Variants in MEI4 observed in about 807,000 individuals in gnomAD.
MEI4 encodes the protein meiotic double-stranded break formation protein 4, also known as meiosis-specific protein MEI4.
Under a neutral mutation model 31.4 loss-of-function variants are expected in MEI4, and 27 were observed. That is an observed-to-expected ratio of 0.86 (90% CI 0.63 to 1.19). The LOEUF (loss-of-function observed/expected upper bound fraction) is 1.19, where lower values mean the gene tolerates loss of function less well. MEI4 is among the 50% of genes most tolerant of loss of function. The pLI is 0.00. For synonymous variants in MEI4, 122 were observed against 145.4 expected, an observed-to-expected ratio of 0.84 and a Z score of 1.16; for missense variants, 329 against 398.9, an observed-to-expected ratio of 0.82 and a Z score of 1.49.
At chr6:77,650,384 T>C (rs1382083758), upstream of MEI4, among the ~76,000 whole-genome samples, 2 of 152,172 alleles carry the variant, frequency 1.3e-5, no homozygotes, top group East Asian at 3.9e-4. Flanking sequence ...GGGCTTGTGG[T>C]CTCCGGGACC....
intron 4 of MEI4, among the ~76,000 whole-genome samples, chr6:77,862,738 A>C (rs1770898759): frequency 6.6e-6 from 1 of 152,196 alleles, no homozygotes; most frequent in Non-Finnish European, 1.5e-5. Flanking sequence ...TGGTTCTCCC[A>C]GCACGCAGCT....
Position 77,683,430 on chromosome 6 carries a change from T to A in MEI4, c.-14-7228T>A, listed in dbSNP as rs57512925. The stretch of plus-strand genomic sequence containing the variant: ...GCGTGGTGAGAACACTTAAGATATA[T>A]TCTTTCAGGAATTTTCAAGTGTGCA... On this transcript the variant is annotated intron_variant, in intron 1 of 4. Coordinates refer to ENST00000684080, the MANE Select transcript of MEI4 (RefSeq NM_001322247.2). Among the ~76,000 whole-genome samples the A allele has an allele frequency of 2.1e-3, 321 of 152,272 alleles. 1 individual carries two copies. Among genetic ancestry groups the A allele is most frequent in the African/African-American group, 7.6e-3 (316 of 41,558 alleles).
At chr6:77,779,383 A>G (rs1036065189) in intron 3 of MEI4, among the ~76,000 whole-genome samples, 10 of 152,240 alleles carry the variant, frequency 6.6e-5, no homozygotes, top group African/African-American at 2.4e-4. Context: ...TGATAACCAG[A>G]TAATTTAGTA....
intron 2 of MEI4, among the ~76,000 whole-genome samples, chr6:77,750,413 G>A (rs1223530894): frequency 6.6e-6 from 1 of 152,118 alleles, no homozygotes; most frequent in Non-Finnish European, 1.5e-5. Context: ...TCAAAATAAA[G>A]GGATGGAGGA....
In MEI4 at chr6:77,809,928, T is replaced by G. The variant is rs75868259; in HGVS notation, c.769-19003T>G. On this transcript the variant is annotated intron_variant, in intron 3 of 4. Coordinates refer to ENST00000684080, the MANE Select transcript of MEI4 (RefSeq NM_001322247.2). Reference sequence around the variant, plus strand: ...AGTCTAGCAGCTCTAGTTGTGTGGCTCAGTGAGATTTTTAGATTTCTTTAC... The same window carrying G: ...AGTCTAGCAGCTCTAGTTGTGTGGCGCAGTGAGATTTTTAGATTTCTTTAC... Among the ~76,000 whole-genome samples the G allele has an allele frequency of 3.7e-3, 571 of 152,292 alleles. 3 individuals are homozygous for G. Among genetic ancestry groups the G allele is most frequent in the African/African-American group, 0.013 (553 of 41,578 alleles).
chr6:77,652,913 A>T (rs1211110675), upstream of MEI4, among the ~76,000 whole-genome samples: 2 of 152,202 alleles, frequency 1.3e-5, no homozygotes, highest in Non-Finnish European at 2.9e-5. Flanking sequence ...GAATGTTAAG[A>T]GCACCTGTAA....
intron 3 of MEI4, among the ~76,000 whole-genome samples, chr6:77,762,057 A>T (rs1349648382): frequency 6.6e-6 from 1 of 152,160 alleles, no homozygotes; most frequent in African/African-American, 2.4e-5. Context: ...TGAGTGTTAA[A>T]TTCCTCATGA....
At chr6:77,900,034 C>T (rs1332527966) in intron 4 of MEI4, among the ~76,000 whole-genome samples, 1 of 150,960 alleles carries the variant, frequency 6.6e-6, no homozygotes, top group African/African-American at 2.4e-5. Context: ...CACATGGAAT[C>T]ATGTCAAATG....
chr6:77,889,502 T>C (rs59956817), intron 4 of MEI4, among the ~76,000 whole-genome samples: 420 of 152,288 alleles, frequency 2.8e-3, no homozygotes, highest in African/African-American at 9.3e-3. Flanking sequence ...AAGATATTTC[T>C]AAGCAGCAAA....
chr6:77,811,088 G>A lies in MEI4; in HGVS notation c.769-17843G>A, dbSNP rs146723334. 1.5e-3 allele frequency among the ~76,000 whole-genome samples: 225 copies of A among 152,220 alleles called. 1 individual carries two copies. Among genetic ancestry groups the A allele is most frequent in the African/African-American group, 4.6e-3 (192 of 41,546 alleles). On this transcript the variant is annotated intron_variant, in intron 3 of 4. Coordinates refer to ENST00000684080, the MANE Select transcript of MEI4 (RefSeq NM_001322247.2). ...TGTATAAATAGATATCAGAGACATC[G>A]TTCCATTGTTTGTAGATGATCTCCA...
At chr6:77,917,453 G>C (rs1014863663) in intron 4 of MEI4, among the ~76,000 whole-genome samples, 2 of 150,274 alleles carry the variant, frequency 1.3e-5, no homozygotes, top group African/African-American at 4.9e-5. Flanking sequence ...ACTTTTTAAT[G>C]ATTGCCATTC....
chr6:77,911,431 G>T (rs1342137785), intron 4 of MEI4, among the ~76,000 whole-genome samples: 4 of 151,840 alleles, frequency 2.6e-5, no homozygotes, highest in Non-Finnish European at 5.9e-5. Flanking sequence ...TACCCAATAG[G>T]TAGTTGTTCA....
intron 3 of MEI4, among the ~76,000 whole-genome samples, chr6:77,787,203 C>A (rs575709791): frequency 3.3e-5 from 5 of 152,150 alleles, no homozygotes; most frequent in African/African-American, 1.2e-4. Context: ...GTTCTTTAGC[C>A]GGGATTTTCT....
At position 77,872,834 on chromosome 6, in the gene MEI4, G is replaced by C. The variant is rs542234078; in HGVS notation, c.900+43772G>C. Among the ~76,000 whole-genome samples, 1,391 of 148,550 alleles carry C rather than the reference G, an allele frequency of 9.4e-3. 18 individuals carry two copies. Among genetic ancestry groups the C allele is most frequent in the African/African-American group, 0.032 (1,292 of 40,256 alleles). ...CTATGAGTGAGAACATGTGGTGTTT[G>C]GTTTTTTGTCCTTGCAATAGTTTAC... On this transcript the variant is annotated intron_variant, in intron 4 of 4. Transcript: ENST00000684080.
At chr6:77,796,130 A>G (rs1008345934) in intron 3 of MEI4, among the ~76,000 whole-genome samples, 7 of 152,338 alleles carry the variant, frequency 4.6e-5, no homozygotes, top group Admixed American at 2.0e-4. Context: ...AGGATTAAAA[A>G]TCATGATTGA....
At chr6:77,909,232 C>A (rs994554655) in intron 4 of MEI4, among the ~76,000 whole-genome samples, 2 of 151,906 alleles carry the variant, frequency 1.3e-5, no homozygotes, top group African/African-American at 4.8e-5. Flanking sequence ...TGGATAGAGA[C>A]ACAAAAAACC....
At chr6:77,786,556 A>G (rs750980721) in intron 3 of MEI4, among the ~76,000 whole-genome samples, 1 of 152,156 alleles carries the variant, frequency 6.6e-6, no homozygotes, top group Non-Finnish European at 1.5e-5. Context: ...AGGAGGTGCT[A>G]GGAAATGTAA....
chr6:77,794,280 C>T (rs1423579024), intron 3 of MEI4, among the ~76,000 whole-genome samples: 3 of 152,038 alleles, frequency 2.0e-5, no homozygotes, highest in South Asian at 2.1e-4. Context: ...AATCTAACAT[C>T]AGGCCAGGCG....
intron 2 of MEI4, among the ~76,000 whole-genome samples, chr6:77,754,172 A>G (rs1259678803): frequency 6.6e-6 from 1 of 152,142 alleles, no homozygotes; most frequent in African/African-American, 2.4e-5. Context: ...TGATGGGTGC[A>G]GCAAACCACC....
Sources: allele counts gnomAD v4.1 joint callset (sites outside exome capture counted in the v4.1 genomes callset), GRCh38; gene constraint gnomAD v4.1.1; transcripts MANE v1.5; gene names NCBI Gene and HGNC (gene_info 2026-07-23, HGNC 2026-07-21).